DRC11: variants seen among roughly 807,000 people sequenced by gnomAD.
The protein encoded by DRC11 is dynein regulatory complex subunit 11.
the DRC11 span, among the ~76,000 whole-genome samples, chr2:236,456,489 C>T: frequency 2.6e-5 from 4 of 152,312 alleles, no homozygotes; most frequent in South Asian, 2.1e-4. The surrounding 1 kb of genome is among the most constrained non-coding windows in gnomAD (Gnocchi z 5.4). Flanking sequence ...GGCTGGTCTA[C>T]ACCCTCAATC....
At chr2:236,399,415 T>C in the DRC11 span, 2 of 1,613,566 alleles carry the variant, frequency 1.2e-6, no homozygotes, top group South Asian at 1.1e-5. This position sits in a 1 kb window ranked among gnomAD's most constrained non-coding sequence, Gnocchi z 7.0. Context: ...AAACTGACCT[T>C]TGTATGCGTT....
chr2:236,319,219 T>C, the DRC11 span, among the ~76,000 whole-genome samples: 1 of 152,226 alleles, frequency 6.6e-6, no homozygotes, highest in Non-Finnish European at 1.5e-5. This position sits in a 1 kb window ranked among gnomAD's most constrained non-coding sequence, Gnocchi z 6.7. Flanking sequence ...CACTCAGCAG[T>C]AATTGAACAG....
the DRC11 span, among the ~76,000 whole-genome samples, chr2:236,314,742 G>C: frequency 6.6e-6 from 1 of 151,094 alleles, no homozygotes; most frequent in East Asian, 2.0e-4. This position sits in a 1 kb window ranked among gnomAD's most constrained non-coding sequence, Gnocchi z 4.5. Flanking sequence ...GTGAATCTAA[G>C]GAAAGATGTG....
the DRC11 span, among the ~76,000 whole-genome samples, chr2:236,350,173 A>C: frequency 1.3e-5 from 2 of 152,216 alleles, no homozygotes; most frequent in Non-Finnish European, 2.9e-5. The surrounding 1 kb of genome is among the most constrained non-coding windows in gnomAD (Gnocchi z 5.2). Flanking sequence ...ATCAGATTCT[A>C]AATCAGTTGT....
chr2:236,491,017 GTATA>G, the DRC11 span, among the ~76,000 whole-genome samples: 30 of 135,790 alleles, frequency 2.2e-4, no homozygotes, highest in African/African-American at 7.5e-4. Context: ...GTATATATGT[GTATA>G]TATATGTGTG....
the DRC11 span, among the ~76,000 whole-genome samples, chr2:236,361,889 C>T: frequency 6.6e-6 from 1 of 152,092 alleles, no homozygotes; most frequent in Admixed American, 6.6e-5. The surrounding 1 kb of genome is among the most constrained non-coding windows in gnomAD (Gnocchi z 5.7). Context: ...ACTATAAAGA[C>T]ATAGACATAT....
At chr2:236,329,569 G>A in the DRC11 span, among the ~76,000 whole-genome samples, 1 of 151,780 alleles carries the variant, frequency 6.6e-6, no homozygotes, top group Non-Finnish European at 1.5e-5. Flanking sequence ...GCACAATTAG[G>A]TGAAATTTCT....
the DRC11 span, among the ~76,000 whole-genome samples, chr2:236,410,685 T>A: frequency 0.02 from 3,025 of 150,970 alleles, 133 homozygotes; most frequent in Admixed American, 0.064. Flanking sequence ...ATGGTACTGG[T>A]ACCAAAACAG....
At chr2:236,331,278 G>A in the DRC11 span, 121 of 1,033,388 alleles carry the variant, frequency 1.2e-4, no homozygotes, top group Non-Finnish European at 1.7e-4. The surrounding 1 kb of genome is among the most constrained non-coding windows in gnomAD (Gnocchi z 4.8). Context: ...TCCAATTCAC[G>A]AAACCCACGG....
the DRC11 span, chr2:236,465,637 T>C: frequency 1.9e-6 from 3 of 1,613,772 alleles, no homozygotes; most frequent in Non-Finnish European, 2.5e-6. This position sits in a 1 kb window ranked among gnomAD's most constrained non-coding sequence, Gnocchi z 6.2. Context: ...TATCTGCACC[T>C]CATTCCGCAG....
chr2:236,502,889 A>T, the DRC11 span, among the ~76,000 whole-genome samples: 509 of 152,196 alleles, frequency 3.3e-3, 3 homozygotes, highest in African/African-American at 0.012. Context: ...CGGGAGGCGG[A>T]GGTTGCAGTG....
At chr2:236,334,897 A>G in the DRC11 span, among the ~76,000 whole-genome samples, 1 of 151,990 alleles carries the variant, frequency 6.6e-6, no homozygotes. This position sits in a 1 kb window ranked among gnomAD's most constrained non-coding sequence, Gnocchi z 7.8. Flanking sequence ...CAAGAGGAGG[A>G]GGGCACTGGG....
the DRC11 span, among the ~76,000 whole-genome samples, chr2:236,318,679 CAT>C: frequency 2.0e-5 from 3 of 152,018 alleles, no homozygotes; most frequent in East Asian, 1.9e-4. The surrounding 1 kb of genome is among the most constrained non-coding windows in gnomAD (Gnocchi z 7.0). Context: ...GTACAGATCA[CAT>C]GTGTACACGT....
At chr2:236,357,530 TGA>T in the DRC11 span, among the ~76,000 whole-genome samples, 6 of 127,656 alleles carry the variant, frequency 4.7e-5, no homozygotes, top group Non-Finnish European at 7.7e-5. Context: ...TTATATATTA[TGA>T]ATATAATTTA....
the DRC11 span, chr2:236,338,424 A>G: frequency 6.5e-7 from 1 of 1,546,676 alleles, no homozygotes; most frequent in Non-Finnish European, 8.8e-7. Flanking sequence ...ATAGAAAAAA[A>G]GAATGAAAAA....
the DRC11 span, among the ~76,000 whole-genome samples, chr2:236,471,257 GTCTC>G: frequency 6.6e-6 from 1 of 151,930 alleles, no homozygotes; most frequent in African/African-American, 2.4e-5. The surrounding 1 kb of genome is among the most constrained non-coding windows in gnomAD (Gnocchi z 4.6). Context: ...GTGCTTTGCT[GTCTC>G]TCTCTGCTGA....
chr2:236,360,762 G>A, the DRC11 span, among the ~76,000 whole-genome samples: 1 of 152,168 alleles, frequency 6.6e-6, no homozygotes, highest in African/African-American at 2.4e-5. This position sits in a 1 kb window ranked among gnomAD's most constrained non-coding sequence, Gnocchi z 5.8. Flanking sequence ...GAGGAGCTTG[G>A]TAAACAGGAT....
chr2:236,343,935 C>A, the DRC11 span, among the ~76,000 whole-genome samples: 4 of 152,142 alleles, frequency 2.6e-5, no homozygotes, highest in African/African-American at 7.2e-5. The surrounding 1 kb of genome is among the most constrained non-coding windows in gnomAD (Gnocchi z 6.6). Context: ...TGATTAAAAT[C>A]CTTATGAATT....
At chr2:236,355,023 C>T in the DRC11 span, among the ~76,000 whole-genome samples, 1 of 152,212 alleles carries the variant, frequency 6.6e-6, no homozygotes, top group Non-Finnish European at 1.5e-5. Context: ...TTTGCAGGTG[C>T]ATGTGTCTGA....
Sources: allele counts gnomAD v4.1 joint callset (sites outside exome capture counted in the v4.1 genomes callset), GRCh38; gene constraint gnomAD v4.1.1; non-coding constraint Gnocchi (gnomAD v3.1); transcripts MANE v1.5; gene names NCBI Gene and HGNC (gene_info 2026-07-23, HGNC 2026-07-21).